The following HMCN2 variants were observed in gnomAD, a reference collection of about 807,000 sequenced individuals.
HMCN2 encodes the protein hemicentin 2.
A neutral mutation model predicts 377.5 loss-of-function variants in HMCN2; 325 were observed. The observed-to-expected ratio is 0.86, with a 90% confidence interval of 0.79 to 0.94. The LOEUF (loss-of-function observed/expected upper bound fraction) is 0.94. Among genes scored for constraint, HMCN2 ranks in the 40% least tolerant of loss-of-function variants. The pLI is 0.00. For missense variants in HMCN2, 4,543 were observed against 4,725.3 expected, an observed-to-expected ratio of 0.96 and a Z score of 1.13; for synonymous variants, 2,007 against 2,046.8, an observed-to-expected ratio of 0.98 and a Z score of 0.53.
rs1015084635 is a variant in HMCN2 at position 130,405,177 on chromosome 9, C to A, written c.12339+118C>A. 7.4e-6 allele frequency: 5 copies of A among 678,520 alleles called. No homozygotes were observed. In the East Asian group the frequency reaches 4.0e-4, roughly 54 times the overall value. The allele number at this position is 678,520 out of a possible 1,614,324, so 42.0% of individuals were successfully genotyped here. A position where few individuals can be genotyped will look rare whatever the true frequency, so the allele number is the denominator to read the frequency against. Reference sequence around the variant, plus strand: ...TGGGAGCCTGGGGAAATCAGTGTCACCATCCCGGGTACAGACAGCCAGAAC... The same window carrying A: ...TGGGAGCCTGGGGAAATCAGTGTCAACATCCCGGGTACAGACAGCCAGAAC... On this transcript the variant is annotated intron_variant, in intron 81 of 97. Transcript: ENST00000683500.
chr9:130,354,772 C>T lies in HMCN2; in HGVS notation c.4874C>T (p.Thr1625Ile), dbSNP rs1306455316. Reference protein sequence around the residue: ...ATRLDVYVPPTIEGAGGRPYV... With the variant: ...ATRLDVYVPPIIEGAGGRPYV... Reference sequence around the variant, plus strand: ...CCTGCCTCTTTTCCAGTCCCACCTACCATCGAGGGCGCCGGTGGAAGACCA... The same window carrying T: ...CCTGCCTCTTTTCCAGTCCCACCTATCATCGAGGGCGCCGGTGGAAGACCA... The change falls in exon 32 of 98, where the codon ACC becomes ATC. Residue 1625 changes from threonine to isoleucine, a missense_variant. Around this residue, in one of 5 missense-constraint regions of HMCN2, gnomAD observed 1,032 missense variants for 1,285.1 expected, o/e 0.80. Transcript: ENST00000683500. 1 of 1,300,020 alleles carries T rather than the reference C, an allele frequency of 7.7e-7. No homozygotes were observed. Among genetic ancestry groups the T allele is most frequent in the African/African-American group, 1.5e-5 (1 of 65,786 alleles). 80.5% of individuals were successfully genotyped at this position (1,300,020 alleles called of 1,614,324 possible). A position where few individuals can be genotyped will look rare whatever the true frequency, so the allele number is the denominator to read the frequency against.
chr9:130,311,518 G>A (rs1837239780), intron 15 of HMCN2, among the ~76,000 whole-genome samples: 1 of 152,198 alleles, frequency 6.6e-6, no homozygotes, highest in Non-Finnish European at 1.5e-5. Flanking sequence ...ATGAGCTCAG[G>A]CAGAGAGAAC....
At chr9:130,295,915 T>TA in intron 6 of HMCN2, 143 bp downstream of exon 6, 1 of 368,472 alleles carries the variant, frequency 2.7e-6, no homozygotes, top group Non-Finnish European at 5.5e-6. Context: ...TCAATAGAAG[T>TA]AACGGGTCAA....
rs534248976 is a variant in HMCN2, at chr9:130,385,712, C to A, written c.9259C>A (p.Arg3087=). The A allele has an allele frequency of 2.4e-5, 31 of 1,304,044 alleles. No individual in the cohort carries two copies. Among genetic ancestry groups the A allele is most frequent in the African/African-American group, 1.5e-5 (1 of 65,838 alleles). The allele number at this position is 1,304,044 out of a possible 1,614,324, so 80.8% of individuals were successfully genotyped here. A position where few individuals can be genotyped will look rare whatever the true frequency, so the allele number is the denominator to read the frequency against. ...TGGGCAGCCCCTGGTCCTGGCACAG[C>A]GGACCCAGGCTCTGCGGGGTGGGCA... is the stretch of plus-strand genomic sequence containing the variant. ...KDGQPLVLAQ[R]TQALRGGQRL... Residue 3087 remains arginine (R), a synonymous_variant, in exon 60 of 98, where the codon CGG becomes AGG. Transcript: ENST00000683500.
intron 49 of HMCN2, among the ~76,000 whole-genome samples, 195 bp downstream of exon 49, chr9:130,374,888 C>T (rs7031579): frequency 0.78 from 119,370 of 152,168 alleles, 49,279 homozygotes; most frequent in Non-Finnish European, 0.91. Flanking sequence ...ACAGGCCTGA[C>T]TGAATCTTCA....
chr9:130,369,850 G>T lies in HMCN2; in HGVS notation c.7068G>T (p.Leu2356=). The change falls in exon 45 of 98, where the codon CTG becomes CTT. Residue 2356 remains leucine (L), a splice_region_variant and synonymous_variant. Coordinates refer to ENST00000683500, the MANE Select transcript of HMCN2 (RefSeq NM_001291815.2). This position sits in a 1 kb window ranked among gnomAD's most constrained non-coding sequence, Gnocchi z 4.5. The part of the protein sequence containing the change: ...RAERKFELSV[L]VPPELIGDLD... The stretch of plus-strand genomic sequence containing the variant: ...AGAGGAAGTTTGAGCTCTCCGTACT[G>T]GGTGAGGACCGGCAGCTGCTGGAGG... 1.0e-6 allele frequency: 1 copy of T among 986,130 alleles called. No individual in the cohort carries two copies. Among genetic ancestry groups the T allele is most frequent in the Non-Finnish European group, 1.2e-6 (1 of 830,398 alleles). 61.1% of individuals were successfully genotyped at this position (986,130 alleles called of 1,614,324 possible).
chr9:130,397,750 C>A, intron 74 of HMCN2, 95 bp downstream of exon 74: 2 of 1,115,478 alleles, frequency 1.8e-6, no homozygotes, highest in Non-Finnish European at 1.2e-6. Flanking sequence ...GGCCAAGAGC[C>A]AATGGTCTTC....
intron 84 of HMCN2, among the ~76,000 whole-genome samples, chr9:130,409,254 C>T (rs1346152794): frequency 1.3e-5 from 2 of 152,216 alleles, no homozygotes; most frequent in Non-Finnish European, 2.9e-5. Context: ...TTGTTATTAA[C>T]AACCTCAGGG....
intron 1 of HMCN2, among the ~76,000 whole-genome samples, chr9:130,274,807 A>G (rs1387212162): frequency 6.6e-6 from 1 of 152,170 alleles, no homozygotes; most frequent in African/African-American, 2.4e-5. Flanking sequence ...TCCTGTCAGG[A>G]AACAGAGATC....
chr9:130,279,938 G>A (rs1220865026), intron 1 of HMCN2, among the ~76,000 whole-genome samples: 1 of 152,144 alleles, frequency 6.6e-6, no homozygotes, highest in Admixed American at 6.5e-5. Context: ...CAGGAAGCTT[G>A]GAGTCAGAGA....
intron 86 of HMCN2, among the ~76,000 whole-genome samples, chr9:130,419,878 A>G (rs1210820460): frequency 6.6e-6 from 1 of 152,110 alleles, no homozygotes; most frequent in Non-Finnish European, 1.5e-5. Context: ...CGTGAAACCC[A>G]CTGCCAACCA....
intron 54 of HMCN2, among the ~76,000 whole-genome samples, chr9:130,380,516 G>A (rs1038454030): frequency 9.9e-5 from 15 of 152,134 alleles, no homozygotes; most frequent in African/African-American, 3.4e-4. Flanking sequence ...GCTGGGCGCC[G>A]TGGCTCACAC....
chr9:130,281,553 G>C (rs111947965), intron 1 of HMCN2, among the ~76,000 whole-genome samples: 14,435 of 151,592 alleles, frequency 0.095, 748 homozygotes, highest in East Asian at 0.14. Context: ...AGCCAGGATC[G>C]CGCCACTGCA....
Position 130,266,055 on chromosome 9 carries a change from C to A in HMCN2, c.177C>A (p.Gly59=), listed in dbSNP as rs1554918822. The change falls in exon 1 of 98, where the codon GGC becomes GGA. Residue 59 remains glycine (G), a synonymous_variant. Transcript: ENST00000683500. ...MWDELMQVID[G]ASRILERSLS... ...ACGAACTGATGCAGGTGATCGATGGCGCCTCGCGCATTCTGGAACGCAGTC... is the reference window on the plus strand; with the variant it reads ...ACGAACTGATGCAGGTGATCGATGGAGCCTCGCGCATTCTGGAACGCAGTC... The A allele has an allele frequency of 2.1e-6, 1 of 470,726 alleles. No homozygotes were observed. The highest frequency in any genetic ancestry group is 2.0e-5 in the African/African-American group (1 of 50,076). The allele number at this position is 470,726 out of a possible 1,614,324, so 29.2% of individuals were successfully genotyped here. A position where few individuals can be genotyped will look rare whatever the true frequency, so the allele number is the denominator to read the frequency against.
chr9:130,355,216 G>A (rs186704414), intron 32 of HMCN2, among the ~76,000 whole-genome samples, 172 bp downstream of exon 32: 138 of 152,280 alleles, frequency 9.1e-4, no homozygotes, highest in Non-Finnish European at 2.5e-4. Context: ...CTGTGGGGCC[G>A]GCAGGGCTAG....
intron 46 of HMCN2, among the ~76,000 whole-genome samples, chr9:130,371,423 A>AAAC (rs1554959053): frequency 2.6e-4 from 39 of 151,780 alleles, no homozygotes; most frequent in African/African-American, 5.8e-4. Context: ...AGAAAAAAAA[A>AAAC]AAACAAACTT....
chr9:130,365,216 A>G lies in HMCN2; in HGVS notation c.6408+327A>G, dbSNP rs183945635. On this transcript the variant is annotated intron_variant, in intron 41 of 97. Transcript: ENST00000683500. ...TCAAAGCCACAGCCTAGCCCCAGCA[A>G]CCCCATGTCAGGATCTGAGCCCTGA... Among the ~76,000 whole-genome samples, 161 of 152,260 alleles carry G rather than the reference A, an allele frequency of 1.1e-3. 1 individual carries two copies. The highest frequency in any genetic ancestry group is 8.9e-3 in the South Asian group (43 of 4,824).
intron 92 of HMCN2, 115 bp downstream of exon 92, chr9:130,427,734 C>A: frequency 1.5e-6 from 2 of 1,296,406 alleles, no homozygotes; most frequent in Non-Finnish European, 2.1e-6. Context: ...CAGGGATGGC[C>A]AATTCTTGAG....
rs181226607 is a variant in HMCN2, at chr9:130,299,075, C to T, written c.1063C>T (p.Arg355Cys). 6.2e-5 allele frequency: 29 copies of T among 471,084 alleles called. 1 individual carries two copies. The East Asian group carries it at 1.0e-3, about 17-fold the overall frequency. 29.2% of individuals were successfully genotyped at this position (471,084 alleles called of 1,614,324 possible). A position where few individuals can be genotyped will look rare whatever the true frequency, so the allele number is the denominator to read the frequency against. Reference protein sequence around the residue: ...INSTGLKAPGRLDSVELAQSS... With the variant: ...INSTGLKAPGCLDSVELAQSS... ...TTCCACGGGCCTGAAGGCACCCGGC[C>T]GCCTAGACTCGGTGGAGCTGGCACA... Residue 355 changes from arginine (R) to cysteine (C), a missense_variant, in exon 8 of 98, where the codon CGC becomes TGC. Coordinates refer to ENST00000683500, the MANE Select transcript of HMCN2 (RefSeq NM_001291815.2).
Sources: allele counts gnomAD v4.1 joint callset (sites outside exome capture counted in the v4.1 genomes callset), GRCh38; gene constraint gnomAD v4.1.1; regional missense constraint gnomAD v4.1.1; non-coding constraint Gnocchi (gnomAD v3.1); transcripts MANE v1.5; gene names NCBI Gene and HGNC (gene_info 2026-07-23, HGNC 2026-07-21).